WDR72: variants seen among roughly 807,000 people sequenced by gnomAD.
WDR72 encodes the protein WD repeat-containing protein 72.
Under a neutral mutation model 124.2 loss-of-function variants are expected in WDR72, and 120 were observed. The ratio of observed to expected loss-of-function variants is 0.97; its 90% confidence interval spans 0.83 to 1.12. The LOEUF (loss-of-function observed/expected upper bound fraction) is 1.12. Among genes scored for constraint, WDR72 ranks in the 50% most tolerant of loss-of-function variants. The probability of loss-of-function intolerance (pLI) is 0.00; values close to 1 mark genes in which losing one functional copy is unlikely to be tolerated. For synonymous variants in WDR72, 452 were observed against 441.7 expected (o/e 1.02, Z -0.29); for missense variants, 1,387 against 1,278.8 (o/e 1.08, Z -1.29).
chr15:53,703,000 G>A (rs2017231401), intron 11 of WDR72, among the ~76,000 whole-genome samples: 1 of 150,990 alleles, frequency 6.6e-6, no homozygotes, highest in Non-Finnish European at 1.5e-5. Context: ...TATTCCTCAA[G>A]TTCCCTGGGC....
intron 3 of WDR72, among the ~76,000 whole-genome samples, chr15:53,719,657 TTGC>T (rs2017817307): frequency 6.6e-6 from 1 of 152,220 alleles, no homozygotes; most frequent in Non-Finnish European, 1.5e-5. Context: ...ATGTGGGTAC[TTGC>T]TACTTCAAAT....
intron 1 of WDR72, among the ~76,000 whole-genome samples, chr15:53,740,779 A>G (rs1022550307): frequency 1.3e-5 from 2 of 152,286 alleles, no homozygotes; most frequent in African/African-American, 4.8e-5. Context: ...GGAGTGGATT[A>G]AGAGTGTAAA....
At chr15:53,616,363 T>C in intron 14 of WDR72, 120 bp from the exon 15 acceptor site, 1 of 704,194 alleles carries the variant, frequency 1.4e-6, no homozygotes, top group South Asian at 2.2e-5. Context: ...AGGCAAGTCA[T>C]TTCAATTTTT....
intron 13 of WDR72, among the ~76,000 whole-genome samples, chr15:53,699,449 T>A (rs1342016041): frequency 1.3e-5 from 2 of 152,216 alleles, no homozygotes; most frequent in Admixed American, 6.5e-5. Context: ...AGTAGGACAC[T>A]AAATTTCTCT....
At chr15:53,648,539 C>T (rs1301411522) in intron 14 of WDR72, among the ~76,000 whole-genome samples, 2 of 152,052 alleles carry the variant, frequency 1.3e-5, no homozygotes, top group Non-Finnish European at 1.5e-5. Context: ...AACAACTTAG[C>T]CAGAACTGGC....
rs1566934080 is a variant in WDR72 at position 53,513,951 on chromosome 15, TACAG to T, written c.*3744_*3747del. On this transcript the variant is annotated 3_prime_UTR_variant, in exon 20 of 20. Transcript: ENST00000360509. ...ATGGGTGTTTCCAGTGGCATGCTCTTACAGACAGACCTGTTAATTTCCAGTTTAC... is the reference window on the plus strand; with the variant it reads ...ATGGGTGTTTCCAGTGGCATGCTCTTACAGACCTGTTAATTTCCAGTTTAC... 1 of 152,166 alleles carries T rather than the reference TACAG, an allele frequency of 6.6e-6. No homozygotes were observed. Among genetic ancestry groups the T allele is most frequent in the Non-Finnish European group, 1.5e-5 (1 of 68,042 alleles). The allele number at this position is 152,166 out of a possible 1,614,324, so 9.4% of individuals were successfully genotyped here.
chr15:53,748,763 T>G (rs1158059534), intron 1 of WDR72, among the ~76,000 whole-genome samples: 3 of 152,244 alleles, frequency 2.0e-5, no homozygotes, highest in Non-Finnish European at 4.4e-5. Flanking sequence ...TAGTCTCCTC[T>G]GATAACATTT....
At chr15:53,587,036 T>C (rs1199842036) in intron 18 of WDR72, among the ~76,000 whole-genome samples, 2 of 152,022 alleles carry the variant, frequency 1.3e-5, no homozygotes, top group African/African-American at 4.8e-5. Context: ...AGTGAGGGAC[T>C]GGGTTTCTCA....
intron 13 of WDR72, among the ~76,000 whole-genome samples, chr15:53,670,859 T>A (rs1348627567): frequency 6.6e-6 from 1 of 152,128 alleles, no homozygotes; most frequent in South Asian, 2.1e-4. Flanking sequence ...ACAAACCTCT[T>A]TGGCCCCCAA....
intron 14 of WDR72, among the ~76,000 whole-genome samples, chr15:53,617,104 T>C (rs1320889169): frequency 1.3e-5 from 2 of 151,888 alleles, no homozygotes; most frequent in Admixed American, 6.6e-5. Flanking sequence ...TGGAACACCA[T>C]TTAAATAATT....
chr15:53,685,193 G>A (rs1192863133), intron 13 of WDR72, among the ~76,000 whole-genome samples: 32 of 147,426 alleles, frequency 2.2e-4, no homozygotes, highest in South Asian at 8.9e-4. Context: ...CACCAGCAAC[G>A]GAACAAAGCT....
At chr15:53,612,648 A>G (rs1174632736) in intron 16 of WDR72, among the ~76,000 whole-genome samples, 1 of 152,034 alleles carries the variant, frequency 6.6e-6, no homozygotes, top group East Asian at 1.9e-4. Flanking sequence ...TGTATATGTG[A>G]TGACATAGGT....
intron 18 of WDR72, among the ~76,000 whole-genome samples, chr15:53,546,433 A>G (rs1334714003): frequency 6.0e-5 from 9 of 150,502 alleles, no homozygotes; most frequent in Non-Finnish European, 1.2e-4. Flanking sequence ...CAAACACCGC[A>G]TATTCTCACT....
rs2013755415 is a variant in WDR72, at chr15:53,616,114, G to C, written c.2092C>G (p.Leu698Val). Reference sequence around the variant, plus strand: ...GAACTGGAAGAGTCAACATCACTGAGTGGAGTTGGTAGCAAAAGTTCAACA... The same window carrying C: ...GAACTGGAAGAGTCAACATCACTGACTGGAGTTGGTAGCAAAAGTTCAACA... ...NLVELLLPTPLSDVDSSSSFY... is the reference protein window; with the variant it reads ...NLVELLLPTPVSDVDSSSSFY... Residue 698 changes from leucine (L) to valine (V), a missense_variant, in exon 15 of 20, where the codon CTC (leucine) becomes GTC (valine). Transcript: ENST00000360509. The C allele has an allele frequency of 6.2e-7, 1 of 1,604,980 alleles. No homozygotes were observed. Among genetic ancestry groups the C allele is most frequent in the African/African-American group, 1.3e-5 (1 of 74,506 alleles).
chr15:53,614,355 G>T (rs80339928), intron 15 of WDR72, among the ~76,000 whole-genome samples: 6,631 of 152,124 alleles, frequency 0.044, 185 homozygotes, highest in Non-Finnish European at 0.056. Flanking sequence ...GGAAGGATTT[G>T]GTGTGACAAA....
chr15:53,611,847 A>T (rs74015825), intron 16 of WDR72, among the ~76,000 whole-genome samples: 21,545 of 152,014 alleles, frequency 0.14, 2,401 homozygotes, highest in African/African-American at 0.31. Context: ...TCTTGGAACA[A>T]ACTAAGCACA....
chr15:53,751,469 A>G (rs899793735), intron 1 of WDR72, among the ~76,000 whole-genome samples: 2 of 152,182 alleles, frequency 1.3e-5, no homozygotes, highest in East Asian at 3.8e-4. Context: ...TTTTAATCAC[A>G]GTATGCACAT....
chr15:53,638,636 C>T (rs1362048286), intron 14 of WDR72, among the ~76,000 whole-genome samples: 2 of 132,178 alleles, frequency 1.5e-5, no homozygotes, highest in Non-Finnish European at 3.1e-5. Context: ...TACAGAGAAA[C>T]ATACTGAAAA....
At position 53,709,645 on chromosome 15, in the gene WDR72, T is replaced by G. The variant is rs531049464; in HGVS notation, c.954+1212A>C. ...TGCTTTTCTGAGTAAGCCCCAATAC[T>G]GTTTTTGTGATCGACAGCAAAACAG... On this transcript the variant is annotated intron_variant, in intron 9 of 19. Transcript: ENST00000360509. 2.0e-5 allele frequency among the ~76,000 whole-genome samples: 3 copies of G among 152,338 alleles called. No individual in the cohort carries two copies. The South Asian group carries it at 6.2e-4, about 32-fold the overall frequency.
Sources: gnomAD v4.1 joint callset for allele counts (sites outside exome capture counted in the v4.1 genomes callset) on GRCh38, gnomAD v4.1.1 for gene constraint, MANE v1.5 for transcripts, NCBI Gene and HGNC (gene_info 2026-07-23, HGNC 2026-07-21) for gene names.